Variants in KCNN2 observed in about 807,000 individuals in gnomAD.
KCNN2 encodes the protein potassium calcium-activated channel subfamily N member 2, also known as small conductance calcium-activated potassium channel protein 2.
KCNN2 carries 24 observed loss-of-function variants against 55.5 expected under a neutral mutation model. The ratio of observed to expected loss-of-function variants is 0.43; its 90% CI spans 0.31 to 0.61. The LOEUF (loss-of-function observed/expected upper bound fraction) is 0.61, where lower values mean the gene tolerates loss of function less well. Ranked by LOEUF, KCNN2 falls within the 20% of genes least tolerant of loss-of-function variation. The pLI is 0.08. For synonymous variants in KCNN2, 431 were observed against 336.1 expected, an observed-to-expected ratio of 1.28 and a Z score of -3.09; for missense variants, 754 against 853.6, an observed-to-expected ratio of 0.88 and a Z score of 1.45.
intron 1 of KCNN2, among the ~76,000 whole-genome samples, chr5:114,135,383 G>A (rs1372775771): frequency 6.6e-6 from 1 of 152,124 alleles, no homozygotes. Flanking sequence ...ACATATGAAG[G>A]AAGAGAACCA....
At chr5:114,398,444 A>G (rs905924168) in intron 2 of KCNN2, among the ~76,000 whole-genome samples, 1 of 148,700 alleles carries the variant, frequency 6.7e-6, no homozygotes. Context: ...GCCTTGTAGT[A>G]TAGTTTGAAG....
At chr5:114,113,712 A>C (rs1477557011) in intron 1 of KCNN2, among the ~76,000 whole-genome samples, 1 of 152,110 alleles carries the variant, frequency 6.6e-6, no homozygotes, top group Admixed American at 6.6e-5. Context: ...AGGAAGGCAG[A>C]TATATGGGAG....
chr5:114,340,524 A>G (rs952004845), intron 2 of KCNN2, among the ~76,000 whole-genome samples: 2 of 152,168 alleles, frequency 1.3e-5, no homozygotes, highest in African/African-American at 2.4e-5. Flanking sequence ...CCAGAATATA[A>G]TCTACATTTC....
intron 2 of KCNN2, among the ~76,000 whole-genome samples, chr5:114,282,266 C>A (rs1755639290): frequency 6.6e-6 from 1 of 152,002 alleles, no homozygotes; most frequent in South Asian, 2.1e-4. Flanking sequence ...TTCATTTTTA[C>A]TTTGGTTGAA....
chr5:114,077,013 A>G (rs985603995), intron 1 of KCNN2, among the ~76,000 whole-genome samples: 1 of 152,178 alleles, frequency 6.6e-6, no homozygotes, highest in Admixed American at 6.5e-5. Context: ...TTTAATAGTG[A>G]TAAATGAAAA....
chr5:114,106,091 T>C (rs1580518534), intron 1 of KCNN2, among the ~76,000 whole-genome samples: 1 of 152,002 alleles, frequency 6.6e-6, no homozygotes, highest in African/African-American at 2.4e-5. Context: ...TTAAATATTT[T>C]GGTAAATTGA....
At chr5:114,194,967 G>A (rs898195652) in intron 1 of KCNN2, among the ~76,000 whole-genome samples, 1 of 149,788 alleles carries the variant, frequency 6.7e-6, no homozygotes, top group Non-Finnish European at 1.5e-5. Context: ...CCATTCAATT[G>A]TCTTGGCACC....
chr5:114,384,095 G>T lies in KCNN2; in HGVS notation c.1218+20094G>T, dbSNP rs1166736672. Reference sequence around the variant, plus strand: ...TTCTTTTGTTTTCTTTTTGCAGTAGGGCCTTTACTGTTAGGTGTGATTTTA... The same window carrying T: ...TTCTTTTGTTTTCTTTTTGCAGTAGTGCCTTTACTGTTAGGTGTGATTTTA... On this transcript the variant is annotated intron_variant, in intron 2 of 7. Coordinates refer to ENST00000673685, the MANE Select transcript of KCNN2 (RefSeq NM_021614.4). Among the ~76,000 whole-genome samples, 2 of 151,958 alleles carry T rather than the reference G, an allele frequency of 1.3e-5. 1 individual carries two copies. Among genetic ancestry groups the T allele is most frequent in the African/African-American group, 4.8e-5 (2 of 41,368 alleles).
intron 1 of KCNN2, among the ~76,000 whole-genome samples, chr5:114,108,786 A>G (rs776952046): frequency 4.0e-5 from 6 of 151,734 alleles, no homozygotes; most frequent in Non-Finnish European, 8.8e-5. Flanking sequence ...TTGACAGTGG[A>G]TTGTTTTCAG....
chr5:114,257,421 G>A lies in KCNN2; in HGVS notation c.-185+35856G>A, dbSNP rs140015483. ...AAGTTGGTATTTTGGTAGGAATCAC[G>A]TTGAATTTTACATTGCTTTGGGCAG... On this transcript the variant is annotated intron_variant, in intron 2 of 10. Coordinates refer to the KCNN2 transcript ENST00000512097. Among the ~76,000 whole-genome samples the A allele has an allele frequency of 9.9e-3, 1,502 of 151,722 alleles. 19 individuals are homozygous for A. Among genetic ancestry groups the A allele is most frequent in the African/African-American group, 0.034 (1,405 of 41,424 alleles).
intron 3 of KCNN2, among the ~76,000 whole-genome samples, chr5:114,424,894 G>T (rs1759574605): frequency 1.3e-5 from 2 of 152,142 alleles, no homozygotes; most frequent in Admixed American, 1.3e-4. Context: ...TTATCTTGTA[G>T]ATGCCCAGAT....
At chr5:114,163,167 C>T (rs1050890445) in intron 1 of KCNN2, among the ~76,000 whole-genome samples, 2 of 152,162 alleles carry the variant, frequency 1.3e-5, no homozygotes, top group Admixed American at 6.5e-5. Context: ...GTTTCTTAAG[C>T]TGTTTGTTTA....
chr5:114,472,017 C>CTGTT (rs1176432169), intron 4 of KCNN2, among the ~76,000 whole-genome samples: 2 of 152,180 alleles, frequency 1.3e-5, no homozygotes, highest in Admixed American at 1.3e-4. Flanking sequence ...ACATTGTTAT[C>CTGTT]TGTTTGTTGA....
chr5:114,257,401 G>A (rs577260722), intron 2 of KCNN2, among the ~76,000 whole-genome samples: 1 of 151,748 alleles, frequency 6.6e-6, no homozygotes, highest in Non-Finnish European at 1.5e-5. Flanking sequence ...AAATGAAGTT[G>A]GTATTTTGGT....
chr5:114,324,689 A>T (rs903753451), intron 2 of KCNN2, among the ~76,000 whole-genome samples: 3 of 152,204 alleles, frequency 2.0e-5, no homozygotes, highest in African/African-American at 7.2e-5. Flanking sequence ...GCAGCAATAG[A>T]CAGGAATCCA....
intron 3 of KCNN2, among the ~76,000 whole-genome samples, chr5:114,418,407 T>A (rs1381064947): frequency 6.6e-6 from 1 of 152,206 alleles, no homozygotes; most frequent in African/African-American, 2.4e-5. Context: ...TCAGCACTGC[T>A]TGAAACCCTT....
intron 1 of KCNN2, among the ~76,000 whole-genome samples, chr5:114,194,638 A>T (rs12655662): frequency 6.6e-6 from 1 of 151,928 alleles, no homozygotes; most frequent in Non-Finnish European, 1.5e-5. Flanking sequence ...GTTTTCTTCT[A>T]TTCAGTAGAT....
chr5:114,485,627 G>A (rs750968682), intron 5 of KCNN2, among the ~76,000 whole-genome samples: 16 of 152,084 alleles, frequency 1.1e-4, no homozygotes, highest in Non-Finnish European at 2.2e-4. Flanking sequence ...TATACGCAGT[G>A]CTGGCACTTG....
In KCNN2 at chr5:114,056,919, C is replaced by G. The variant is rs76918595; in HGVS notation, c.-271+419C>G. ...GAGAGGGCAGAAGGTTGTGATTTTT[C>G]TGTGTAATGCTGAGGTTATAGGGTA... On this transcript the variant is annotated intron_variant, in intron 1 of 10. Coordinates refer to the KCNN2 transcript ENST00000512097. Among the ~76,000 whole-genome samples, 1,511 of 152,182 alleles carry G rather than the reference C, an allele frequency of 9.9e-3. 24 individuals carry two copies. Among genetic ancestry groups the G allele is most frequent in the African/African-American group, 0.034 (1,418 of 41,510 alleles).
Sources: gnomAD v4.1 joint callset for allele counts (sites outside exome capture counted in the v4.1 genomes callset) on GRCh38, gnomAD v4.1.1 for gene constraint, MANE v1.5 for transcripts, NCBI Gene and HGNC (gene_info 2026-07-23, HGNC 2026-07-21) for gene names.